The following WDR37 variants were observed in gnomAD, a reference collection of about 807,000 sequenced individuals.
WDR37 encodes WD repeat domain 37.
WDR37 carries 19 observed loss-of-function variants against 62.9 expected under a neutral mutation model. That is an observed-to-expected ratio of 0.30 (90% confidence interval 0.21 to 0.44). The LOEUF is 0.44. Among genes scored for constraint, WDR37 ranks in the 20% least tolerant of loss-of-function variants. The probability of loss-of-function intolerance (pLI) is 1.00; values close to 1 mark genes in which losing one functional copy is unlikely to be tolerated. For synonymous variants in WDR37, 250 were observed against 260.9 expected (o/e 0.96, Z 0.40); for missense variants, 474 against 657.6 (o/e 0.72, Z 3.05).
At chr10:1,068,158 A>G (rs890239665) in intron 1 of WDR37, among the ~76,000 whole-genome samples, 1 of 152,138 alleles carries the variant, frequency 6.6e-6, no homozygotes, top group Admixed American at 6.6e-5. Flanking sequence ...TCAGTGTTTG[A>G]CAGCAGAGTA....
intron 11 of WDR37, among the ~76,000 whole-genome samples, chr10:1,116,087 A>G (rs1423600734): frequency 2.6e-5 from 4 of 152,190 alleles, no homozygotes; most frequent in Non-Finnish European, 5.9e-5. Flanking sequence ...CAGGGCCTTC[A>G]GCATACCCCT....
intron 3 of WDR37, 132 bp downstream of exon 3, chr10:1,078,135 C>T (rs2131622660): frequency 3.3e-6 from 2 of 601,012 alleles, no homozygotes; most frequent in East Asian, 6.3e-5. Flanking sequence ...GTGGCTTAAA[C>T]TAACACAGAT....
chr10:1,067,741 T>C (rs914043960), intron 1 of WDR37, among the ~76,000 whole-genome samples: 5 of 152,062 alleles, frequency 3.3e-5, no homozygotes, highest in African/African-American at 1.2e-4. Context: ...AATAAAAAAG[T>C]AGTGACAAAG....
intron 9 of WDR37, among the ~76,000 whole-genome samples, chr10:1,100,749 C>G (rs377509613): frequency 6.6e-5 from 10 of 152,186 alleles, no homozygotes; most frequent in Non-Finnish European, 1.3e-4. Flanking sequence ...GGGTTCACCC[C>G]GTGGCTGCTC....
At position 1,125,046 on chromosome 10, in the gene WDR37, A is replaced by G. The variant is rs760669231; in HGVS notation, c.1353+22A>G. The G allele has an allele frequency of 3.7e-6, 6 of 1,613,890 alleles. No individual in the cohort carries two copies. In the South Asian group the frequency reaches 5.5e-5, roughly 15 times the overall value. ...ACAGGTAACAGCACGGTCGGTGAAC[A>G]TATGCAGGGCACAGTGGAGGAGGAC... On this transcript the variant is annotated intron_variant, in intron 13 of 13. Coordinates refer to ENST00000263150, the MANE Select transcript of WDR37 (RefSeq NM_014023.4).
At chr10:1,111,719 TTTTA>T (rs1204960142) in intron 11 of WDR37, among the ~76,000 whole-genome samples, 1 of 152,232 alleles carries the variant, frequency 6.6e-6, no homozygotes, top group Non-Finnish European at 1.5e-5. Context: ...GTGTGGCTGT[TTTTA>T]TTTGACTGTT....
At chr10:1,092,786 C>G (rs1834438987) in intron 7 of WDR37, among the ~76,000 whole-genome samples, 1 of 148,434 alleles carries the variant, frequency 6.7e-6, no homozygotes, top group Non-Finnish European at 1.5e-5. Context: ...AGGAGGATCA[C>G]CTGAGCCTTG....
At chr10:1,117,209 C>T (rs1477514565) in intron 11 of WDR37, among the ~76,000 whole-genome samples, 1 of 152,110 alleles carries the variant, frequency 6.6e-6, no homozygotes, top group African/African-American at 2.4e-5. Context: ...GCTGTGCCAC[C>T]ACTCCCTGCT....
At chr10:1,086,747 G>T (rs150259265) in intron 7 of WDR37, among the ~76,000 whole-genome samples, 101 of 152,316 alleles carry the variant, frequency 6.6e-4, no homozygotes, top group African/African-American at 2.2e-3. Context: ...GAATGTGCTT[G>T]CGTGCCCGTA....
chr10:1,081,153 T>G (rs537013357), intron 5 of WDR37, among the ~76,000 whole-genome samples: 2 of 152,230 alleles, frequency 1.3e-5, no homozygotes, highest in Non-Finnish European at 2.9e-5. Context: ...TTCCTCAGTT[T>G]CCTAAGTGTG....
At chr10:1,062,543 A>G (rs964541502) in intron 1 of WDR37, among the ~76,000 whole-genome samples, 4 of 152,216 alleles carry the variant, frequency 2.6e-5, no homozygotes, top group South Asian at 2.1e-4. Context: ...CTCTGAGGCC[A>G]TATCAGGACA....
chr10:1,117,004 C>G (rs1373611487), intron 11 of WDR37, among the ~76,000 whole-genome samples: 2 of 152,018 alleles, frequency 1.3e-5, no homozygotes, highest in Non-Finnish European at 2.9e-5. Context: ...TGATATGAAC[C>G]TAACAGTAAC....
chr10:1,065,130 G>A (rs1412014211), intron 1 of WDR37, among the ~76,000 whole-genome samples: 2 of 152,116 alleles, frequency 1.3e-5, no homozygotes, highest in African/African-American at 2.4e-5. Flanking sequence ...AACAAAGAAT[G>A]GACAGCAAAA....
intron 8 of WDR37, among the ~76,000 whole-genome samples, chr10:1,095,678 T>C (rs1487649844): frequency 6.6e-6 from 1 of 152,186 alleles, no homozygotes; most frequent in Non-Finnish European, 1.5e-5. Context: ...TCAAAGCGTT[T>C]CCTCGCAAAC....
At chr10:1,116,792 T>C (rs1835414632) in intron 11 of WDR37, among the ~76,000 whole-genome samples, 2 of 152,094 alleles carry the variant, frequency 1.3e-5, no homozygotes, top group African/African-American at 4.8e-5. Flanking sequence ...GGTGTTTCCT[T>C]TGTATTAGTT....
At chr10:1,091,434 T>C (rs1834384601) in intron 7 of WDR37, among the ~76,000 whole-genome samples, 1 of 152,210 alleles carries the variant, frequency 6.6e-6, no homozygotes, top group Admixed American at 6.5e-5. Context: ...TTAATATTAA[T>C]AATGAGGCTA....
At chr10:1,106,876 T>C (rs1435212636) in intron 11 of WDR37, among the ~76,000 whole-genome samples, 1 of 152,218 alleles carries the variant, frequency 6.6e-6, no homozygotes, top group African/African-American at 2.4e-5. Flanking sequence ...ACTCTGAGGC[T>C]GGAACGGGAG....
chr10:1,074,236 T>C, intron 2 of WDR37: 1 of 927,654 alleles, frequency 1.1e-6, no homozygotes, highest in Non-Finnish European at 1.4e-6. Flanking sequence ...GTGGAAACCC[T>C]GCAGCCTCCC....
intron 1 of WDR37, among the ~76,000 whole-genome samples, chr10:1,068,229 C>A (rs1483345162): frequency 1.3e-5 from 2 of 151,866 alleles, no homozygotes; most frequent in African/African-American, 2.4e-5. Context: ...CGCCTGTAAT[C>A]CCAGCACTTT....
Sources: gnomAD v4.1 joint callset for allele counts (sites outside exome capture counted in the v4.1 genomes callset) on GRCh38, gnomAD v4.1.1 for gene constraint, MANE v1.5 for transcripts, NCBI Gene and HGNC (gene_info 2026-07-23, HGNC 2026-07-21) for gene names.